USP34: variants seen among roughly 807,000 people sequenced by gnomAD.
The protein encoded by USP34 is ubiquitin carboxyl-terminal hydrolase 34.
In USP34, 70 loss-of-function variants were observed where a neutral mutation model predicts 460.3. The ratio of observed to expected loss-of-function variants is 0.15; its 90% confidence interval spans 0.13 to 0.19. The LOEUF (loss-of-function observed/expected upper bound fraction) is 0.19, where lower values mean the gene tolerates loss of function less well. Ranked by LOEUF, USP34 falls within the 10% of genes least tolerant of loss-of-function variation. The probability of loss-of-function intolerance (pLI) is 1.00; values close to 1 mark genes in which losing one functional copy is unlikely to be tolerated. For synonymous variants in USP34, 1,647 were observed against 1,405.3 expected (o/e 1.17, Z -3.85); for missense variants, 3,985 against 4,236.2 (o/e 0.94, Z 1.65).
intron 41 of USP34, among the ~76,000 whole-genome samples, chr2:61,266,628 A>T (rs1375355064): frequency 6.6e-6 from 1 of 152,190 alleles, no homozygotes; most frequent in African/African-American, 2.4e-5. Context: ...TCTGTCTGAG[A>T]AAGTGGGTGC....
At chr2:61,428,603 TA>T (rs1297125594) in intron 1 of USP34, among the ~76,000 whole-genome samples, 1 of 152,032 alleles carries the variant, frequency 6.6e-6, no homozygotes, top group East Asian at 1.9e-4. Flanking sequence ...GATCTAGCAA[TA>T]AAAGTATGGA....
rs183925196 is a variant in USP34, at chr2:61,320,692, T to C, written c.3014-1365A>G. Among the ~76,000 whole-genome samples, 246 of 152,160 alleles carry C rather than the reference T, an allele frequency of 1.6e-3. 1 individual carries two copies. Among genetic ancestry groups the C allele is most frequent in the Middle Eastern group, 0.01 (3 of 294 alleles). ...CCGGTCTGGGCAATATAGGAAGACA[T>C]TGTCTTTACAAAAAATTAAAAAACA... On this transcript the variant is annotated intron_variant, in intron 21 of 79. Coordinates refer to ENST00000398571, the MANE Select transcript of USP34 (RefSeq NM_014709.4).
intron 15 of USP34, chr2:61,346,139 AT>A (rs1220759781): frequency 6.6e-6 from 1 of 152,074 alleles, no homozygotes; most frequent in Non-Finnish European, 1.5e-5. Flanking sequence ...TTTTTTAGGC[AT>A]TTATTACAAG....
At chr2:61,242,651 T>A (rs1253866746) in intron 51 of USP34, among the ~76,000 whole-genome samples, 2 of 151,966 alleles carry the variant, frequency 1.3e-5, no homozygotes, top group Non-Finnish European at 2.9e-5. Context: ...ATTACGAGAA[T>A]TTAGTGGTGG....
chr2:61,247,121 T>C (rs1016512892), intron 49 of USP34, among the ~76,000 whole-genome samples: 6 of 152,120 alleles, frequency 3.9e-5, no homozygotes, highest in African/African-American at 1.4e-4. Flanking sequence ...CCCAAAGATT[T>C]AAAATATAAA....
At chr2:61,450,512 TA>T (rs747132671) in intron 1 of USP34, among the ~76,000 whole-genome samples, 3 of 151,974 alleles carry the variant, frequency 2.0e-5, no homozygotes, top group Non-Finnish European at 2.9e-5. Context: ...AAAAAAATTA[TA>T]AAGTATGGGA....
At chr2:61,217,865 G>A (rs191325983) in intron 67 of USP34, among the ~76,000 whole-genome samples, 1 of 152,254 alleles carries the variant, frequency 6.6e-6, no homozygotes, top group Admixed American at 6.5e-5. Context: ...TGAGACAGGA[G>A]AACTGCTTGA....
At chr2:61,470,016 A>C (rs78022205) in intron 1 of USP34, among the ~76,000 whole-genome samples, 2,410 of 152,358 alleles carry the variant, frequency 0.016, 53 homozygotes, top group African/African-American at 0.053. Context: ...ATGTACCATT[A>C]AAGCGGTGAA....
intron 35 of USP34, among the ~76,000 whole-genome samples, chr2:61,283,987 G>A (rs1340085638): frequency 6.6e-6 from 1 of 152,152 alleles, no homozygotes; most frequent in Non-Finnish European, 1.5e-5. Context: ...GTTCCAGATA[G>A]AGCAGGAAGT....
At chr2:61,341,101 T>G (rs2103757380) in intron 16 of USP34, among the ~76,000 whole-genome samples, 1 of 152,332 alleles carries the variant, frequency 6.6e-6, no homozygotes, top group Non-Finnish European at 1.5e-5. Context: ...ATGTACTTTC[T>G]TCTATTTCTA....
intron 10 of USP34, among the ~76,000 whole-genome samples, chr2:61,364,786 A>G (rs956895816): frequency 5.3e-5 from 8 of 151,682 alleles, no homozygotes; most frequent in African/African-American, 1.7e-4. Flanking sequence ...AAAATTAGAC[A>G]ATGTGGTGGT....
chr2:61,329,170 C>T (rs1006734219), intron 20 of USP34, among the ~76,000 whole-genome samples: 4 of 151,786 alleles, frequency 2.6e-5, no homozygotes, highest in Middle Eastern at 3.2e-3. Context: ...TACAGGCATG[C>T]GCCACCACGC....
rs763578885 is a variant in USP34 at position 61,203,129 on chromosome 2, T to G, written c.9508+11A>C. ...ATTCAGTGGAATTTACTGCTCATCT[T>G]TTATACTTACTCAGCTTAACTAATG... On this transcript the variant is annotated intron_variant, in intron 75 of 79. Transcript: ENST00000398571. The G allele has an allele frequency of 3.8e-6, 6 of 1,573,452 alleles. No homozygotes were observed. In the East Asian group the frequency reaches 1.4e-4, roughly 36 times the overall value.
At chr2:61,205,448 CAGTT>C (rs1243291937) in intron 72 of USP34, among the ~76,000 whole-genome samples, 1 of 151,892 alleles carries the variant, frequency 6.6e-6, no homozygotes, top group Non-Finnish European at 1.5e-5. Flanking sequence ...ATATGACAGC[CAGTT>C]AGTTATCCAT....
chr2:61,330,232 G>C (rs183247811), intron 20 of USP34, among the ~76,000 whole-genome samples: 8 of 152,130 alleles, frequency 5.3e-5, no homozygotes, highest in African/African-American at 1.7e-4. Flanking sequence ...AAAGTAAAAC[G>C]GTCTCAAATG....
chr2:61,314,563 AGT>A lies in USP34; in HGVS notation c.3542+20_3542+21del. On this transcript the variant is annotated intron_variant, in intron 25 of 79. Coordinates refer to ENST00000398571, the MANE Select transcript of USP34 (RefSeq NM_014709.4). ...GAATAAAAATGAAATTCATTCTAAC[AGT>A]GTGATATTTTAAAAATTACCTTCTC... 1 of 1,456,122 alleles carries A rather than the reference AGT, an allele frequency of 6.9e-7. No homozygotes were observed. Among genetic ancestry groups the A allele is most frequent in the East Asian group, 2.4e-5 (1 of 41,206 alleles). 90.2% of individuals were successfully genotyped at this position (1,456,122 alleles called of 1,614,324 possible).
intron 25 of USP34, among the ~76,000 whole-genome samples, chr2:61,312,138 C>T (rs566836664): frequency 1.4e-5 from 2 of 147,312 alleles, no homozygotes; most frequent in Admixed American, 6.8e-5. Context: ...CGAGAAATTA[C>T]TGAGGAAAAA....
At chr2:61,308,056 T>G (rs374197234) in intron 27 of USP34, among the ~76,000 whole-genome samples, 1 of 149,990 alleles carries the variant, frequency 6.7e-6, no homozygotes, top group African/African-American at 2.5e-5. Context: ...CTCAAAAAAA[T>G]AAATAAATAA....
intron 51 of USP34, among the ~76,000 whole-genome samples, chr2:61,243,496 A>G (rs929007825): frequency 6.6e-6 from 1 of 152,170 alleles, no homozygotes; most frequent in African/African-American, 2.4e-5. Flanking sequence ...AAAAGAAAAA[A>G]AAAGTGGACC....
Sources: allele counts gnomAD v4.1 joint callset (sites outside exome capture counted in the v4.1 genomes callset), GRCh38; gene constraint gnomAD v4.1.1; transcripts MANE v1.5; gene names NCBI Gene and HGNC (gene_info 2026-07-23, HGNC 2026-07-21).